Variants in MLIP observed in about 807,000 individuals in gnomAD.
The protein encoded by MLIP is muscular LMNA-interacting protein.
In MLIP, 79 loss-of-function variants were observed where a neutral mutation model predicts 84.8. The observed-to-expected ratio is 0.93, with a 90% confidence interval of 0.78 to 1.12. The LOEUF is 1.12. Among genes scored for constraint, MLIP ranks in the 50% most tolerant of loss-of-function variants. MLIP has a pLI of 0.00. For synonymous variants in MLIP, 504 were observed against 463.0 expected, an observed-to-expected ratio of 1.09 and a Z score of -1.14; for missense variants, 1,257 against 1,160.6, an observed-to-expected ratio of 1.08 and a Z score of -1.21.
chr6:54,163,732 T>C (rs1213962321), intron 8 of MLIP, among the ~76,000 whole-genome samples: 2 of 151,998 alleles, frequency 1.3e-5, no homozygotes, highest in Non-Finnish European at 2.9e-5. Flanking sequence ...AACACTTCTT[T>C]ATCTTTCCTT....
intron 10 of MLIP, among the ~76,000 whole-genome samples, chr6:54,198,498 T>C (rs914689270): frequency 6.6e-6 from 1 of 152,150 alleles, no homozygotes; most frequent in Non-Finnish European, 1.5e-5. Flanking sequence ...AGTGGCACTT[T>C]GAGACCCTTG....
At chr6:54,178,303 CT>C (rs55809432) in intron 9 of MLIP, among the ~76,000 whole-genome samples, 129,202 of 152,066 alleles carry the variant, frequency 0.85, 55,945 homozygotes, top group Non-Finnish European at 0.94. Flanking sequence ...TGTTTCTTCC[CT>C]TTTTTTCTTT....
intron 5 of MLIP, among the ~76,000 whole-genome samples, chr6:54,152,469 G>A (rs1419000675): frequency 6.6e-6 from 1 of 152,080 alleles, no homozygotes; most frequent in African/African-American, 2.4e-5. Flanking sequence ...CATGGTGGTG[G>A]TAAGAGAAAA....
intron 11 of MLIP, among the ~76,000 whole-genome samples, chr6:54,218,744 G>C (rs1405868751): frequency 2.6e-5 from 4 of 151,956 alleles, no homozygotes; most frequent in Admixed American, 1.3e-4. Context: ...TTGAAGTCCT[G>C]ACCTCAGGTG....
At chr6:54,035,076 G>A (rs1373474810) in intron 1 of MLIP, among the ~76,000 whole-genome samples, 3 of 152,090 alleles carry the variant, frequency 2.0e-5, no homozygotes. Context: ...GCCCAGATAT[G>A]GCCGTATACT....
chr6:54,219,347 CT>C (rs201127323), intron 11 of MLIP, among the ~76,000 whole-genome samples: 1,138 of 112,214 alleles, frequency 0.01, 12 homozygotes, highest in African/African-American at 0.027. Context: ...GATTTTTTTT[CT>C]TTTTTTTTTT....
intron 11 of MLIP, among the ~76,000 whole-genome samples, chr6:54,214,883 G>T (rs1019170720): frequency 1.3e-5 from 2 of 152,132 alleles, no homozygotes; most frequent in Admixed American, 6.5e-5. Context: ...ATGCTGAATG[G>T]TGTTGCTACT....
At chr6:54,119,729 A>G (rs1314336477) in intron 1 of MLIP, among the ~76,000 whole-genome samples, 2 of 152,306 alleles carry the variant, frequency 1.3e-5, no homozygotes, top group Non-Finnish European at 2.9e-5. Flanking sequence ...TACGTGAGGA[A>G]CTGTATTTGT....
At chr6:54,222,468 A>G in intron 11 of MLIP, among the ~76,000 whole-genome samples, 1 of 151,780 alleles carries the variant, frequency 6.6e-6, no homozygotes, top group Non-Finnish European at 1.5e-5. Context: ...GTAATGCACT[A>G]TTTGTCTTTC....
At chr6:54,230,950 T>C (rs983623847) in intron 12 of MLIP, 33 bp downstream of exon 12, 9 of 1,594,830 alleles carry the variant, frequency 5.6e-6, no homozygotes, top group Non-Finnish European at 4.3e-6. Context: ...AGGACTATTC[T>C]ATTCTGTGAA....
At chr6:54,252,884 G>A (rs1281241456) in intron 12 of MLIP, among the ~76,000 whole-genome samples, 4 of 152,104 alleles carry the variant, frequency 2.6e-5, no homozygotes, top group Non-Finnish European at 5.9e-5. Context: ...AGTTCTACTT[G>A]AAGGATCTTC....
upstream of MLIP, among the ~76,000 whole-genome samples, chr6:54,109,142 A>G (rs143230062): frequency 6.3e-3 from 960 of 151,232 alleles, 16 homozygotes; most frequent in African/African-American, 0.022. Context: ...TCATATATAT[A>G]TGAATATTTC....
rs926010977 is a variant in MLIP, at chr6:54,227,236, GA to G, written c.2719-3477del. Among the ~76,000 whole-genome samples the G allele has an allele frequency of 7.3e-4, 111 of 152,260 alleles. 1 individual carries two copies. The highest frequency in any genetic ancestry group is 3.4e-3 in the Middle Eastern group (1 of 294). ...CTTCTTGTACAGCCTGTGGAACTGT[GA>G]GTCAATTAAACCTCTTTCCTTTATA... On this transcript the variant is annotated intron_variant, in intron 11 of 13. Transcript: ENST00000502396.
Position 54,124,603 on chromosome 6 carries a change from A to G in MLIP, c.383A>G (p.Gln128Arg). Residue 128 changes from glutamine (Q) to arginine (R), a missense_variant, in exon 3 of 14, where the codon CAA (glutamine) becomes CGA (arginine). Physicochemically the swap from Gln to Arg is conservative, Grantham distance 43. Coordinates refer to ENST00000502396, the MANE Select transcript of MLIP (RefSeq NM_001281747.2). ...QEREFEANKL[Q>R]GMQQSDLFKA... ...AGGGAATTCGAAGCAAACAAACTTC[A>G]AGGGATGCAGCAAAGTGACCTCTTC... 6.2e-7 allele frequency: 1 copy of G among 1,614,226 alleles called. No homozygotes were observed. The highest frequency in any genetic ancestry group is 8.5e-7 in the Non-Finnish European group (1 of 1,180,036).
chr6:54,266,175 C>T lies in MLIP; in HGVS notation c.*220C>T. On this transcript the variant is annotated 3_prime_UTR_variant, in exon 14 of 14. Transcript: ENST00000502396. The stretch of plus-strand genomic sequence containing the variant: ...GAGATTTACCTACAGCTTTTTGCAC[C>T]ACTGTTCTAGCCTTTAATGCCTTCT... 1.7e-6 allele frequency: 1 copy of T among 574,798 alleles called. No individual in the cohort carries two copies. The allele number at this position is 574,798 out of a possible 1,614,324, so 35.6% of individuals were successfully genotyped here.
At chr6:54,046,250 C>T (rs564530426) in intron 1 of MLIP, 15 of 146,718 alleles carry the variant, frequency 1.0e-4, no homozygotes, top group Non-Finnish European at 1.8e-4. Context: ...TAAAGGCTAT[C>T]CTTAAAGGGA....
rs1438902647 is a variant in MLIP, at chr6:54,200,626, T to G, written c.2590-1479T>G. ...CTGGACGTTTTTTTTTTTTTTTTTT[T>G]TTTTTTTGGCAGCACTTAATGGAGG... On this transcript the variant is annotated intron_variant, in intron 10 of 13. Coordinates refer to ENST00000502396, the MANE Select transcript of MLIP (RefSeq NM_001281747.2). Among the ~76,000 whole-genome samples, 8 of 32,688 alleles carry G rather than the reference T, an allele frequency of 2.4e-4. No homozygotes were observed. In the Admixed American group the frequency reaches 2.5e-3, roughly 10 times the overall value. The allele number at this position is 32,688 out of a possible 152,430, so 21.4% of individuals were successfully genotyped here.
At chr6:54,200,988 A>T (rs1778639157) in intron 10 of MLIP, among the ~76,000 whole-genome samples, 1 of 152,232 alleles carries the variant, frequency 6.6e-6, no homozygotes, top group Non-Finnish European at 1.5e-5. Context: ...TTCCAAAAGG[A>T]AATGGGGTTG....
At chr6:54,176,757 A>G (rs1007984726) in intron 9 of MLIP, among the ~76,000 whole-genome samples, 1 of 152,130 alleles carries the variant, frequency 6.6e-6, no homozygotes, top group Non-Finnish European at 1.5e-5. Context: ...AATCCTAAGC[A>G]AAAAGAACAA....
Sources: allele counts gnomAD v4.1 joint callset (sites outside exome capture counted in the v4.1 genomes callset), GRCh38; gene constraint gnomAD v4.1.1; transcripts MANE v1.5; gene names NCBI Gene and HGNC (gene_info 2026-07-23, HGNC 2026-07-21).